The following ERBB4 variants were observed in gnomAD, a reference collection of about 807,000 sequenced individuals.
The protein encoded by ERBB4 is receptor tyrosine-protein kinase erbB-4.
A neutral mutation model predicts 158.0 loss-of-function variants in ERBB4; 42 were observed. The ratio of observed to expected loss-of-function variants is 0.27; its 90% CI spans 0.21 to 0.34. The LOEUF is 0.34. ERBB4 is among the 10% of genes least tolerant of loss of function. ERBB4 has a pLI of 1.00. For synonymous variants in ERBB4, 583 were observed against 558.7 expected (o/e 1.04, Z -0.61); for missense variants, 1,333 against 1,624.1 (o/e 0.82, Z 3.08).
chr2:212,039,884 A>ATT (rs2077097989), intron 2 of ERBB4, among the ~76,000 whole-genome samples: 1 of 152,184 alleles, frequency 6.6e-6, no homozygotes, highest in African/African-American at 2.4e-5. Context: ...GGAGGAATCC[A>ATT]TGTCATTCCA....
intron 3 of ERBB4, among the ~76,000 whole-genome samples, chr2:211,897,950 G>A (rs2079142664): frequency 6.6e-6 from 1 of 151,858 alleles, no homozygotes; most frequent in Non-Finnish European, 1.5e-5. Flanking sequence ...TAATTATAGA[G>A]AAGGGGTCTC....
At chr2:211,948,265 T>C (rs1253464837) in intron 2 of ERBB4, among the ~76,000 whole-genome samples, 2 of 151,704 alleles carry the variant, frequency 1.3e-5, no homozygotes, top group Non-Finnish European at 2.9e-5. Context: ...TGAAACCCCA[T>C]CTCTACTAAA....
chr2:211,555,530 T>C (rs1391553275), intron 20 of ERBB4, among the ~76,000 whole-genome samples: 2 of 152,144 alleles, frequency 1.3e-5, no homozygotes, highest in Non-Finnish European at 2.9e-5. Context: ...AATGATGAAC[T>C]AATGGAAGAA....
intron 1 of ERBB4, among the ~76,000 whole-genome samples, chr2:212,490,263 TC>T (rs1690202410): frequency 6.6e-6 from 1 of 151,902 alleles, no homozygotes; most frequent in Non-Finnish European, 1.5e-5. Flanking sequence ...ATCCATTGTT[TC>T]ATCTCCAGCT....
chr2:212,205,645 G>T (rs1263851395), intron 1 of ERBB4, among the ~76,000 whole-genome samples: 1 of 151,980 alleles, frequency 6.6e-6, no homozygotes, highest in Non-Finnish European at 1.5e-5. Flanking sequence ...AATTATTAAA[G>T]ACCTTATCTT....
intron 12 of ERBB4, among the ~76,000 whole-genome samples, chr2:211,696,688 G>A (rs1009567754): frequency 2.5e-4 from 37 of 150,874 alleles, no homozygotes; most frequent in African/African-American, 8.8e-4. Flanking sequence ...TATATTTTTT[G>A]AGAAGGAATC....
chr2:212,467,102 T>C (rs1438085211), intron 1 of ERBB4, among the ~76,000 whole-genome samples: 1 of 152,130 alleles, frequency 6.6e-6, no homozygotes, highest in Non-Finnish European at 1.5e-5. Context: ...ACATTCAAAA[T>C]GTGACTTGGG....
At chr2:211,398,855 A>G (rs910305205) in intron 25 of ERBB4, among the ~76,000 whole-genome samples, 10 of 152,162 alleles carry the variant, frequency 6.6e-5, no homozygotes, top group African/African-American at 2.4e-4. Flanking sequence ...ACAAAACTGC[A>G]AGACCTACTG....
intron 2 of ERBB4, among the ~76,000 whole-genome samples, chr2:211,964,500 G>T (rs1334712735): frequency 6.6e-6 from 1 of 152,082 alleles, no homozygotes; most frequent in Non-Finnish European, 1.5e-5. Flanking sequence ...TAAAAATAAT[G>T]ACATAGGTGA....
At chr2:212,078,376 T>C (rs570990322) in intron 2 of ERBB4, among the ~76,000 whole-genome samples, 1 of 152,108 alleles carries the variant, frequency 6.6e-6, no homozygotes, top group Admixed American at 6.6e-5. Flanking sequence ...GCACTATCTT[T>C]CAAAATACGG....
intron 1 of ERBB4, among the ~76,000 whole-genome samples, chr2:212,189,243 T>C (rs982692524): frequency 2.0e-5 from 3 of 152,294 alleles, no homozygotes; most frequent in East Asian, 1.9e-4. Context: ...CATTTTCAGA[T>C]TGGGGATACT....
intron 2 of ERBB4, among the ~76,000 whole-genome samples, chr2:212,107,758 G>T (rs1041533907): frequency 6.6e-6 from 1 of 152,114 alleles, no homozygotes; most frequent in African/African-American, 2.4e-5. Context: ...AATCTTGGGG[G>T]CAGATCTTTC....
intron 1 of ERBB4, among the ~76,000 whole-genome samples, chr2:212,383,648 G>T (rs2090582097): frequency 6.6e-6 from 1 of 151,564 alleles, no homozygotes; most frequent in Admixed American, 6.6e-5. Flanking sequence ...AAATCTGCTA[G>T]CTTTCAGGAA....
At chr2:211,493,179 T>C (rs1272113445) in intron 20 of ERBB4, among the ~76,000 whole-genome samples, 1 of 152,126 alleles carries the variant, frequency 6.6e-6, no homozygotes, top group African/African-American at 2.4e-5. Context: ...CCTTCAAATT[T>C]CTACAGTTAC....
At chr2:212,410,978 C>T (rs2091480948) in intron 1 of ERBB4, among the ~76,000 whole-genome samples, 1 of 151,928 alleles carries the variant, frequency 6.6e-6, no homozygotes, top group African/African-American at 2.4e-5. Context: ...AAAAGGTTTA[C>T]AATTCTATTT....
chr2:212,385,431 CCTAT>C (rs913213141), intron 1 of ERBB4, among the ~76,000 whole-genome samples: 6 of 151,898 alleles, frequency 4.0e-5, no homozygotes, highest in African/African-American at 9.6e-5. Flanking sequence ...CTGTGAAAAT[CCTAT>C]CTGTCTATGT....
At chr2:212,382,619 C>T (rs1197964763) in intron 1 of ERBB4, among the ~76,000 whole-genome samples, 3 of 150,850 alleles carry the variant, frequency 2.0e-5, no homozygotes, top group African/African-American at 7.3e-5. Context: ...AATGAAAATA[C>T]TTGAATAAAG....
At chr2:212,024,468 G>A (rs1413644414) in intron 2 of ERBB4, among the ~76,000 whole-genome samples, 7 of 151,824 alleles carry the variant, frequency 4.6e-5, no homozygotes, top group African/African-American at 1.2e-4. Flanking sequence ...TTATTGCTTC[G>A]TGTTCACACA....
At chr2:211,692,204 T>C (rs2072849040) in intron 12 of ERBB4, among the ~76,000 whole-genome samples, 1 of 152,152 alleles carries the variant, frequency 6.6e-6, no homozygotes, top group Non-Finnish European at 1.5e-5. Context: ...TCATGAAGAA[T>C]GAGAATTTGC....
Sources: gnomAD v4.1 joint callset for allele counts (sites outside exome capture counted in the v4.1 genomes callset) on GRCh38, gnomAD v4.1.1 for gene constraint, MANE v1.5 for transcripts, NCBI Gene and HGNC (gene_info 2026-07-23, HGNC 2026-07-21) for gene names.